POLE: variants seen among roughly 807,000 people sequenced by gnomAD.
POLE encodes DNA polymerase epsilon, catalytic subunit.
Under a neutral mutation model 279.2 loss-of-function variants are expected in POLE, and 188 were observed. The ratio of observed to expected loss-of-function variants is 0.67; its 90% confidence interval spans 0.60 to 0.76. The LOEUF (loss-of-function observed/expected upper bound fraction) is 0.76. Among genes scored for constraint, POLE ranks in the 30% least tolerant of loss-of-function variants. The pLI is 0.00. For synonymous variants in POLE, 1,214 were observed against 1,172.5 expected, an observed-to-expected ratio of 1.04 and a Z score of -0.72; for missense variants, 2,703 against 3,016.7, an observed-to-expected ratio of 0.90 and a Z score of 2.44.
chr12:132,635,259 GC>G, intron 42 of POLE, among the ~76,000 whole-genome samples: 1 of 152,218 alleles, frequency 6.6e-6, no homozygotes. Flanking sequence ...CCACAGCCTG[GC>G]CCGCACCTGG....
Position 132,643,611 on chromosome 12 carries a change from G to A in POLE, c.4291-51C>T, listed in dbSNP as rs751814580. On this transcript the variant is annotated intron_variant, in intron 33 of 48. Coordinates refer to ENST00000320574, the MANE Select transcript of POLE (RefSeq NM_006231.4). ...GCAAGGGCTGGATGGTGGGGGCTCT[G>A]GCTGCCCACGTGACTTCTGCCCGGG... The A allele has an allele frequency of 2.1e-5, 33 of 1,609,346 alleles. No individual in the cohort carries two copies. In the Admixed American group the frequency reaches 4.0e-4, roughly 20 times the overall value.
At position 132,625,194 on chromosome 12, in the gene POLE, G is replaced by A. The variant is rs116604262; in HGVS notation, c.6658-200C>T. On this transcript the variant is annotated intron_variant, in intron 47 of 48. Coordinates refer to ENST00000320574, the MANE Select transcript of POLE (RefSeq NM_006231.4). ...CAGCGCCTTCCCTACACCCACCCTC[G>A]CTGTGGATGTTCCACCCCAGATGCC... is the stretch of plus-strand genomic sequence containing the variant. 6.1e-3 allele frequency: 4,231 copies of A among 692,428 alleles called. 98 individuals are homozygous for A. The highest frequency in any genetic ancestry group is 0.057 in the African/African-American group (3,259 of 57,340). The allele number at this position is 692,428 out of a possible 1,614,324, so 42.9% of individuals were successfully genotyped here.
chr12:132,658,221 G>A (rs2042591434), intron 26 of POLE: 1 of 436,322 alleles, frequency 2.3e-6, no homozygotes, highest in Admixed American at 4.0e-5. Flanking sequence ...CGTAACCATG[G>A]GCATGCATAT....
chr12:132,661,285 C>T lies in POLE; in HGVS notation c.2865-121G>A. The stretch of plus-strand genomic sequence containing the variant: ...AACCCTCCACCTGTCATCCACGAGG[C>T]AGCAAACGTCTCTCTCCCTTAGGCC... On this transcript the variant is annotated intron_variant, in intron 24 of 48. Coordinates refer to ENST00000320574, the MANE Select transcript of POLE (RefSeq NM_006231.4). This position sits in a 1 kb window ranked among gnomAD's most constrained non-coding sequence, Gnocchi z 4.1. 2 of 1,026,076 alleles carry T rather than the reference C, an allele frequency of 1.9e-6. No homozygotes were observed. The highest frequency in any genetic ancestry group is 2.8e-6 in the Non-Finnish European group (2 of 702,502). The allele number at this position is 1,026,076 out of a possible 1,614,324, so 63.6% of individuals were successfully genotyped here.
rs746282048 is a variant in POLE at position 132,672,693 on chromosome 12, G to A, written c.1620C>T (p.Val540=). ...ACTCGAGGGCCTCCACGTGGCCCCC[G>A]ACGTAGGTCTCAGAGTCCAGCACGT... ...DGHVLDSETY[V]GGHVEALESG... The change falls in exon 15 of 49, where the codon GTC becomes GTT. Residue 540 remains valine (V), a synonymous_variant. Transcript: ENST00000320574. 4 of 1,614,148 alleles carry A rather than the reference G, an allele frequency of 2.5e-6. No homozygotes were observed. Among genetic ancestry groups the A allele is most frequent in the East Asian group, 2.2e-5 (1 of 44,878 alleles).
rs1241765440 is a variant in POLE at position 132,683,399 on chromosome 12, C to CG, written c.63-2121dup. On this transcript the variant is annotated intron_variant, in intron 1 of 48. Coordinates refer to ENST00000320574, the MANE Select transcript of POLE (RefSeq NM_006231.4). ...AGCAGCAAGGAAACAGATTCTCCCC[C>CG]GGGAACCATCACAATAAATATAACC... Among the ~76,000 whole-genome samples the CG allele has an allele frequency of 2.0e-5, 3 of 152,118 alleles. No individual in the cohort carries two copies. In the East Asian group the frequency reaches 5.8e-4, roughly 29 times the overall value.
In POLE at chr12:132,639,177, C is replaced by G. The variant is rs1459159683; in HGVS notation, c.5500G>C (p.Asp1834His). 6.2e-7 allele frequency: 1 copy of G among 1,614,092 alleles called. No homozygotes were observed. The highest frequency in any genetic ancestry group is 8.5e-7 in the Non-Finnish European group (1 of 1,180,026). ...WLRSPSSLLHDPALHRTLHNM... is the reference protein window; with the variant it reads ...WLRSPSSLLHHPALHRTLHNM... Reference sequence around the variant, plus strand: ...TGGAGTGTGCGGTGCAGGGCAGGGTCATGAAGCAGAGAGGATGGCGACCGA... The same window carrying G: ...TGGAGTGTGCGGTGCAGGGCAGGGTGATGAAGCAGAGAGGATGGCGACCGA... Residue 1834 changes from aspartate to histidine, a missense_variant, in exon 40 of 49, where the codon GAC (aspartate) becomes CAC (histidine). Asp to His is a moderately conservative substitution (Grantham distance 81). This residue lies in a region of POLE where 1,551 missense variants were observed against 1,686.1 expected (regional missense o/e 0.92). Transcript: ENST00000320574. The surrounding 1 kb of genome is among the most constrained non-coding windows in gnomAD (Gnocchi z 4.7).
At chr12:132,665,986 T>A (rs1351605446) in intron 20 of POLE, among the ~76,000 whole-genome samples, 3 of 152,226 alleles carry the variant, frequency 2.0e-5, no homozygotes, top group Non-Finnish European at 2.9e-5. Flanking sequence ...AATTTAGCAG[T>A]TGCTTAATTA....
chr12:132,642,506 C>G lies in POLE; in HGVS notation c.4952G>C (p.Arg1651Thr). The change falls in exon 37 of 49, where the codon AGG becomes ACG. Residue 1651 changes from arginine (R) to threonine (T), a missense_variant and splice_region_variant. Transcript: ENST00000320574. ...CCCACAACGACAGTACTGTGCTCAC[C>G]TGCTCATCTCGAAGGCCTGCGACAG... The part of the protein sequence containing the change: ...TCLSQAFEMS[R>T]YFHIPIGNLP... 2 of 1,613,618 alleles carry G rather than the reference C, an allele frequency of 1.2e-6. No individual in the cohort carries two copies. Among genetic ancestry groups the G allele is most frequent in the Non-Finnish European group, 1.7e-6 (2 of 1,179,950 alleles).
intron 39 of POLE, 68 bp downstream of exon 39, chr12:132,641,579 C>A (rs2138522143): frequency 7.2e-7 from 1 of 1,381,126 alleles, no homozygotes; most frequent in South Asian, 1.2e-5. Flanking sequence ...TAGACCTTAG[C>A]TTTCCAAATT....
In POLE at chr12:132,639,361, C is replaced by G; in HGVS notation, c.5379-63G>C. On this transcript the variant is annotated intron_variant, in intron 39 of 48. Coordinates refer to ENST00000320574, the MANE Select transcript of POLE (RefSeq NM_006231.4). The surrounding 1 kb of genome is among the most constrained non-coding windows in gnomAD (Gnocchi z 4.7). ...CCTCCCACGCTGCTGCCACGCGGGA[C>G]GCTCCAACTGAAATGGGCACAGGTT... The G allele has an allele frequency of 6.7e-7, 1 of 1,498,962 alleles. No homozygotes were observed. Among genetic ancestry groups the G allele is most frequent in the Non-Finnish European group, 9.2e-7 (1 of 1,089,118 alleles). The allele number at this position is 1,498,962 out of a possible 1,614,324, so 92.9% of individuals were successfully genotyped here. A position where few individuals can be genotyped will look rare whatever the true frequency, so the allele number is the denominator to read the frequency against.
In POLE at chr12:132,661,702, A is replaced by G; in HGVS notation, c.2707-18T>C. On this transcript the variant is annotated intron_variant, in intron 23 of 48. Coordinates refer to ENST00000320574, the MANE Select transcript of POLE (RefSeq NM_006231.4). This position sits in a 1 kb window ranked among gnomAD's most constrained non-coding sequence, Gnocchi z 4.1. ...AAGCCTTCCTGAGAAACAAGAGTGA[A>G]GAGGGGGCAGCTTCACTCATGATGG... 6.2e-7 allele frequency: 1 copy of G among 1,613,004 alleles called. No individual in the cohort carries two copies. Among genetic ancestry groups the G allele is most frequent in the Non-Finnish European group, 8.5e-7 (1 of 1,179,428 alleles).
intron 29 of POLE, among the ~76,000 whole-genome samples, chr12:132,654,808 A>T (rs1005868009): frequency 2.0e-5 from 3 of 152,212 alleles, no homozygotes; most frequent in African/African-American, 7.2e-5. Context: ...AAAGAAAAAG[A>T]TGTGACTATT....
intron 29 of POLE, among the ~76,000 whole-genome samples, chr12:132,656,354 A>G (rs2042538120): frequency 6.6e-6 from 1 of 151,836 alleles, no homozygotes; most frequent in African/African-American, 2.4e-5. Flanking sequence ...AATCCATCTC[A>G]GAACCTTTTT....
rs752907576 is a variant in POLE, at chr12:132,639,822, C to A, written c.5379-524G>T. 6.6e-6 allele frequency among the ~76,000 whole-genome samples: 1 copy of A among 152,158 alleles called. No homozygotes were observed. The highest frequency in any genetic ancestry group is 1.5e-5 in the Non-Finnish European group (1 of 68,032). ...CAAAAATTAGCTGGGCTAGTGCATG[C>A]CTGTAATCCTGCTACTCGGGAGGCT... On this transcript the variant is annotated intron_variant, in intron 39 of 48. Transcript: ENST00000320574. The surrounding 1 kb of genome is among the most constrained non-coding windows in gnomAD (Gnocchi z 4.7).
Position 132,677,642 on chromosome 12 carries a change from A to G in POLE, c.656T>C (p.Val219Ala), listed in dbSNP as rs2136020763. 1 of 1,614,198 alleles carries G rather than the reference A, an allele frequency of 6.2e-7. No individual in the cohort carries two copies. The highest frequency in any genetic ancestry group is 1.1e-5 in the South Asian group (1 of 91,086). ...GGGAACATCGTACTCGCGCATGTCC[A>G]CAATGTTGTCCAACTGGTCAGCTAT... Reference protein sequence around the residue: ...KKIADQLDNIVDMREYDVPYH... With the variant: ...KKIADQLDNIADMREYDVPYH... Residue 219 changes from valine (V) to alanine (A), a missense_variant, in exon 7 of 49, where the codon GTG (valine) becomes GCG (alanine). This residue lies in a region of POLE where 1,011 missense variants were observed against 1,111.7 expected (regional missense o/e 0.91). Transcript: ENST00000320574.
intron 40 of POLE, 158 bp from the exon 41 acceptor site, chr12:132,638,297 T>C: frequency 2.1e-6 from 1 of 484,680 alleles, no homozygotes. Context: ...CAAAGATTTC[T>C]GCATGGCAAA....
intron 29 of POLE, among the ~76,000 whole-genome samples, chr12:132,656,470 T>C (rs2042542270): frequency 6.6e-6 from 1 of 151,502 alleles, no homozygotes; most frequent in Non-Finnish European, 1.5e-5. Flanking sequence ...GCTGTTCTCC[T>C]GCCTCAGCCT....
At chr12:132,641,366 T>C in intron 39 of POLE, 1 of 497,268 alleles carries the variant, frequency 2.0e-6, no homozygotes, top group Non-Finnish European at 3.7e-6. Flanking sequence ...GTACCTTTGG[T>C]CACATCGAAA....
Sources: allele counts gnomAD v4.1 joint callset (sites outside exome capture counted in the v4.1 genomes callset), GRCh38; gene constraint gnomAD v4.1.1; regional missense constraint gnomAD v4.1.1; non-coding constraint Gnocchi (gnomAD v3.1); transcripts MANE v1.5; gene names NCBI Gene and HGNC (gene_info 2026-07-23, HGNC 2026-07-21).